The following TMEM117 variants were observed in gnomAD, a reference collection of about 807,000 sequenced individuals.
TMEM117 encodes transmembrane protein 117.
TMEM117 carries 27 observed loss-of-function variants against 52.4 expected under a neutral mutation model. That is an observed-to-expected ratio of 0.51 (90% CI 0.38 to 0.71). The LOEUF (loss-of-function observed/expected upper bound fraction) is 0.71. Ranked by LOEUF, TMEM117 falls within the 30% of genes least tolerant of loss-of-function variation. The pLI is 0.00. For synonymous variants in TMEM117, 215 were observed against 206.3 expected, an observed-to-expected ratio of 1.04 and a Z score of -0.36; for missense variants, 556 against 630.5, an observed-to-expected ratio of 0.88 and a Z score of 1.26.
intron 3 of TMEM117, among the ~76,000 whole-genome samples, chr12:44,129,606 A>G (rs1181960449): frequency 6.6e-6 from 1 of 152,178 alleles, no homozygotes; most frequent in Non-Finnish European, 1.5e-5. Flanking sequence ...TCTTGAAATA[A>G]ATGAAGCAAA....
intron 2 of TMEM117, among the ~76,000 whole-genome samples, chr12:43,923,900 T>C (rs1944735244): frequency 6.6e-6 from 1 of 152,164 alleles, no homozygotes; most frequent in African/African-American, 2.4e-5. Context: ...ATAGATTTAT[T>C]TGTGAAGTTC....
intron 5 of TMEM117, among the ~76,000 whole-genome samples, chr12:44,212,337 G>A (rs1291646229): frequency 6.6e-6 from 1 of 152,084 alleles, no homozygotes; most frequent in Non-Finnish European, 1.5e-5. Context: ...TCACTTATCA[G>A]ATCTATTGTT....
At chr12:43,962,573 A>G (rs1945420384) in intron 3 of TMEM117, among the ~76,000 whole-genome samples, 1 of 152,204 alleles carries the variant, frequency 6.6e-6, no homozygotes, top group African/African-American at 2.4e-5. Flanking sequence ...GGATTTTGAT[A>G]TATATTTTGT....
At chr12:44,277,211 C>T (rs926664395) in intron 5 of TMEM117, among the ~76,000 whole-genome samples, 7 of 151,840 alleles carry the variant, frequency 4.6e-5, no homozygotes, top group Admixed American at 3.3e-4. Flanking sequence ...TTGCTTAAGC[C>T]GAGGTTTATT....
chr12:44,126,020 G>A (rs1324738817), intron 3 of TMEM117, among the ~76,000 whole-genome samples: 2 of 151,994 alleles, frequency 1.3e-5, no homozygotes, highest in Non-Finnish European at 2.9e-5. Context: ...GTAGTATATG[G>A]TTTGAGTGAA....
At chr12:43,805,569 A>G in the TMEM117 span, 1 of 461,776 alleles carries the variant, frequency 2.2e-6, no homozygotes, top group South Asian at 1.5e-5. Context: ...GAGGTCAGAT[A>G]TAACTGCATA....
intron 6 of TMEM117, among the ~76,000 whole-genome samples, chr12:44,305,002 A>G (rs1322808891): frequency 6.6e-6 from 1 of 152,158 alleles, no homozygotes; most frequent in Non-Finnish European, 1.5e-5. Context: ...TAGAGCACAG[A>G]GTTGGCTCCT....
At chr12:43,867,415 A>T (rs2137417362) in intron 2 of TMEM117, among the ~76,000 whole-genome samples, 1 of 152,356 alleles carries the variant, frequency 6.6e-6, no homozygotes, top group African/African-American at 2.4e-5. Flanking sequence ...GCAGGAAAAG[A>T]GGAGCAGAGG....
At chr12:44,227,969 C>G (rs1368150879) in intron 5 of TMEM117, among the ~76,000 whole-genome samples, 1 of 151,832 alleles carries the variant, frequency 6.6e-6, no homozygotes, top group Non-Finnish European at 1.5e-5. Context: ...AACGTGAGAT[C>G]CAGAAAGTTT....
At chr12:44,127,405 G>A (rs904164267) in intron 3 of TMEM117, among the ~76,000 whole-genome samples, 3 of 152,188 alleles carry the variant, frequency 2.0e-5, no homozygotes, top group Middle Eastern at 6.8e-3. Flanking sequence ...GGCTGGTCAC[G>A]GTGGCGCGTG....
intron 5 of TMEM117, among the ~76,000 whole-genome samples, chr12:44,266,266 A>C (rs150996202): frequency 0.013 from 2,006 of 152,220 alleles, 45 homozygotes; most frequent in African/African-American, 0.046. Flanking sequence ...TGATGGTTCT[A>C]ATTGTTCTCT....
intron 5 of TMEM117, among the ~76,000 whole-genome samples, chr12:44,219,269 T>A (rs950142957): frequency 2.0e-5 from 3 of 152,142 alleles, no homozygotes; most frequent in Non-Finnish European, 4.4e-5. Flanking sequence ...CTAGCAGACT[T>A]TTGACTATTT....
At chr12:44,342,366 AG>A (rs1421540047) in intron 6 of TMEM117, among the ~76,000 whole-genome samples, 2 of 152,190 alleles carry the variant, frequency 1.3e-5, no homozygotes, top group Non-Finnish European at 2.9e-5. Context: ...GCTTAGAGAC[AG>A]CAAAAGTAGA....
At chr12:44,364,088 G>A (rs947790883) in intron 6 of TMEM117, among the ~76,000 whole-genome samples, 1 of 152,072 alleles carries the variant, frequency 6.6e-6, no homozygotes, top group Non-Finnish European at 1.5e-5. Context: ...ATATAACATT[G>A]CAGATATCCA....
chr12:43,906,334 A>C (rs1677273069), intron 2 of TMEM117, among the ~76,000 whole-genome samples: 1 of 152,076 alleles, frequency 6.6e-6, no homozygotes, highest in Non-Finnish European at 1.5e-5. Flanking sequence ...ATGGTGGTGC[A>C]TGCCTGTAAT....
Position 44,137,602 on chromosome 12 carries a change from G to A in TMEM117, c.411-5923G>A, listed in dbSNP as rs138833795. Among the ~76,000 whole-genome samples, 374 of 152,214 alleles carry A rather than the reference G, an allele frequency of 2.5e-3. 12 individuals are homozygous for A. In the East Asian group the frequency reaches 0.035, roughly 14 times the overall value. ...ACTTACAGTTCCACATGGCTGGGAGGCATCACAATCATGGTGGAAAGCAAG... is the reference window on the plus strand; with the variant it reads ...ACTTACAGTTCCACATGGCTGGGAGACATCACAATCATGGTGGAAAGCAAG... On this transcript the variant is annotated intron_variant, in intron 3 of 7. Transcript: ENST00000266534.
At chr12:44,392,593 T>C (rs1952165902), downstream of TMEM117, among the ~76,000 whole-genome samples, 2 of 151,942 alleles carry the variant, frequency 1.3e-5, no homozygotes, top group Admixed American at 6.6e-5. Flanking sequence ...TACATATGTA[T>C]ACATGTGCCA....
chr12:44,254,786 C>T (rs1950238884), intron 5 of TMEM117, among the ~76,000 whole-genome samples: 1 of 151,904 alleles, frequency 6.6e-6, no homozygotes, highest in South Asian at 2.1e-4. Context: ...TTAGGTATAT[C>T]TCCTAAAGCT....
chr12:44,349,089 C>T (rs1951529335), intron 6 of TMEM117, among the ~76,000 whole-genome samples: 1 of 151,920 alleles, frequency 6.6e-6, no homozygotes. Context: ...TAACAAAGAT[C>T]CACTGATACA....
Sources: gnomAD v4.1 joint callset for allele counts (sites outside exome capture counted in the v4.1 genomes callset) on GRCh38, gnomAD v4.1.1 for gene constraint, MANE v1.5 for transcripts, NCBI Gene and HGNC (gene_info 2026-07-23, HGNC 2026-07-21) for gene names.